Variants in TRHDE observed in about 807,000 individuals in gnomAD.
The protein encoded by TRHDE is thyrotropin-releasing hormone-degrading ectoenzyme.
In TRHDE, 72 loss-of-function variants were observed where a neutral mutation model predicts 125.7. That is an observed-to-expected ratio of 0.57 (90% CI 0.47 to 0.70). The LOEUF (loss-of-function observed/expected upper bound fraction) is 0.70, where lower values mean the gene tolerates loss of function less well. Among genes scored for constraint, TRHDE ranks in the 30% least tolerant of loss-of-function variants. The probability of loss-of-function intolerance (pLI) is 0.00; values close to 1 mark genes in which losing one functional copy is unlikely to be tolerated. For missense variants in TRHDE, 1,110 were observed against 1,327.1 expected, an observed-to-expected ratio of 0.84 and a Z score of 2.54; for synonymous variants, 509 against 509.1, an observed-to-expected ratio of 1.00 and a Z score of 0.00.
intron 13 of TRHDE, among the ~76,000 whole-genome samples, chr12:72,619,509 T>C (rs895871297): frequency 1.3e-5 from 2 of 152,150 alleles, no homozygotes; most frequent in Non-Finnish European, 2.9e-5. Flanking sequence ...CCATTCGTAA[T>C]TGGGTCCAAG....
chr12:72,138,555 G>A (rs1876042076), intron 2 of TRHDE, among the ~76,000 whole-genome samples: 1 of 152,168 alleles, frequency 6.6e-6, no homozygotes, highest in Admixed American at 6.5e-5. Flanking sequence ...GGTATTTGGG[G>A]CCTGATACCA....
chr12:72,546,071 T>C (rs1159894843), intron 7 of TRHDE, among the ~76,000 whole-genome samples: 2 of 151,618 alleles, frequency 1.3e-5, no homozygotes, highest in Non-Finnish European at 3.0e-5. Flanking sequence ...CCACGGTGGC[T>C]CAGTGAAATT....
chr12:72,236,107 C>G (rs1229368042), intron 2 of TRHDE, among the ~76,000 whole-genome samples: 1 of 152,104 alleles, frequency 6.6e-6, no homozygotes, highest in Non-Finnish European at 1.5e-5. Context: ...CTGACCATAA[C>G]TAGTTAAAGC....
intron 7 of TRHDE, among the ~76,000 whole-genome samples, chr12:72,559,435 T>C (rs1482688500): frequency 1.3e-5 from 2 of 152,214 alleles, no homozygotes; most frequent in African/African-American, 4.8e-5. Flanking sequence ...TGTTACTGCA[T>C]TTTAAACCAC....
chr12:72,469,950 A>G, intron 4 of TRHDE, 38 bp downstream of exon 4: 6 of 1,592,850 alleles, frequency 3.8e-6, no homozygotes, highest in Non-Finnish European at 5.1e-6. Flanking sequence ...ATAATGTGAA[A>G]GCTATTGAAA....
intron 6 of TRHDE, among the ~76,000 whole-genome samples, chr12:72,540,319 A>G (rs909563774): frequency 1.3e-5 from 2 of 151,776 alleles, no homozygotes; most frequent in African/African-American, 4.8e-5. Flanking sequence ...GTGATATTCT[A>G]TAACTTTTGA....
chr12:72,238,982 G>T (rs1878420109), intron 2 of TRHDE, among the ~76,000 whole-genome samples: 1 of 152,154 alleles, frequency 6.6e-6, no homozygotes, highest in South Asian at 2.1e-4. Flanking sequence ...CTTCCACAAT[G>T]GTTGAACTAA....
intron 2 of TRHDE, among the ~76,000 whole-genome samples, chr12:72,156,012 G>T (rs1293035527): frequency 1.3e-5 from 2 of 152,214 alleles, no homozygotes; most frequent in African/African-American, 4.8e-5. Flanking sequence ...ACAGAGGCAG[G>T]CAGGCCTCCT....
intron 5 of TRHDE, among the ~76,000 whole-genome samples, chr12:72,480,948 C>G (rs1000696920): frequency 6.6e-6 from 1 of 152,030 alleles, no homozygotes; most frequent in Non-Finnish European, 1.5e-5. Flanking sequence ...TCTCACCACT[C>G]CTGGTAAAAA....
chr12:72,434,650 G>C (rs1874658588), intron 3 of TRHDE, among the ~76,000 whole-genome samples: 1 of 152,092 alleles, frequency 6.6e-6, no homozygotes, highest in African/African-American at 2.4e-5. Context: ...TGGACAAAAT[G>C]ACCTTGTACG....
Position 72,638,793 on chromosome 12 carries a change from G to C in TRHDE, c.2676-13529G>C, listed in dbSNP as rs9705508. On this transcript the variant is annotated intron_variant, in intron 15 of 18. Transcript: ENST00000261180. Reference sequence around the variant, plus strand: ...TAGTTTGGCTAGATATGAAATTCTGGGTTGAAAATTCTTTTCTTTAAGAAT... The same window carrying C: ...TAGTTTGGCTAGATATGAAATTCTGCGTTGAAAATTCTTTTCTTTAAGAAT... Among the ~76,000 whole-genome samples, 1,002 of 151,852 alleles carry C rather than the reference G, an allele frequency of 6.6e-3. 9 individuals are homozygous for C. The highest frequency in any genetic ancestry group is 8.0e-3 in the Non-Finnish European group (542 of 67,948).
intron 2 of TRHDE, among the ~76,000 whole-genome samples, chr12:72,297,880 T>A (rs1352457718): frequency 6.6e-6 from 1 of 152,178 alleles, no homozygotes; most frequent in African/African-American, 2.4e-5. Context: ...TGGAGGGACA[T>A]GTTAACAACA....
intron 2 of TRHDE, among the ~76,000 whole-genome samples, chr12:72,354,687 T>A (rs2135744015): frequency 6.7e-6 from 1 of 148,650 alleles, no homozygotes; most frequent in East Asian, 2.0e-4. Context: ...TTAAAATATA[T>A]ATGTAAAATA....
At chr12:72,662,508 T>C (rs1368395497) in intron 18 of TRHDE, among the ~76,000 whole-genome samples, 1 of 152,164 alleles carries the variant, frequency 6.6e-6, no homozygotes, top group Non-Finnish European at 1.5e-5. Flanking sequence ...ACAATTTTTA[T>C]AGCACCATTA....
At chr12:72,224,079 C>CATCCATCT (rs1555169501) in intron 2 of TRHDE, among the ~76,000 whole-genome samples, 1 of 64,152 alleles carries the variant, frequency 1.6e-5, no homozygotes, top group African/African-American at 4.4e-5. Context: ...TCTATCTATC[C>CATCCATCT]ATCTATCTAT....
intron 1 of TRHDE, among the ~76,000 whole-genome samples, chr12:72,278,671 G>A (rs1879582063): frequency 6.6e-6 from 1 of 152,042 alleles, no homozygotes; most frequent in South Asian, 2.1e-4. Context: ...TCTCACTGTG[G>A]TTGCATTTCC....
intron 15 of TRHDE, among the ~76,000 whole-genome samples, chr12:72,649,079 C>T (rs943527064): frequency 6.6e-6 from 1 of 151,530 alleles, no homozygotes; most frequent in Non-Finnish European, 1.5e-5. Flanking sequence ...ACTTTAAATG[C>T]CAAACCTATT....
chr12:72,279,581 C>A (rs185851006), intron 1 of TRHDE, among the ~76,000 whole-genome samples: 2 of 152,204 alleles, frequency 1.3e-5, no homozygotes, highest in African/African-American at 4.8e-5. Flanking sequence ...AAAATTCAAA[C>A]GTGAAAAATA....
intron 1 of TRHDE, among the ~76,000 whole-genome samples, chr12:72,093,547 T>C (rs1203425513): frequency 6.6e-6 from 1 of 152,148 alleles, no homozygotes; most frequent in Non-Finnish European, 1.5e-5. Context: ...AATTGGCTAA[T>C]TCCAAATTAC....
Sources: gnomAD v4.1 joint callset for allele counts (sites outside exome capture counted in the v4.1 genomes callset) on GRCh38, gnomAD v4.1.1 for gene constraint, MANE v1.5 for transcripts, NCBI Gene and HGNC (gene_info 2026-07-23, HGNC 2026-07-21) for gene names.